FYN: variants seen among roughly 807,000 people sequenced by gnomAD.
The protein encoded by FYN is FYN proto-oncogene, Src family tyrosine kinase.
In FYN, 10 loss-of-function variants were observed where a neutral mutation model predicts 70.2. That is an observed-to-expected ratio of 0.14 (90% CI 0.09 to 0.24). FYN has a LOEUF of 0.24. Ranked by LOEUF, FYN falls within the 10% of genes least tolerant of loss-of-function variation. The pLI is 1.00. For missense variants in FYN, 319 were observed against 673.1 expected (o/e 0.47, Z 5.82); for synonymous variants, 236 against 248.6 (o/e 0.95, Z 0.48).
At chr6:111,751,512 TAAGAG>T (rs2128487305) in intron 3 of FYN, among the ~76,000 whole-genome samples, 1 of 152,328 alleles carries the variant, frequency 6.6e-6, no homozygotes, top group African/African-American at 2.4e-5. Context: ...ACTATTTTAT[TAAGAG>T]AATTCTGAGT....
chr6:111,740,849 G>T (rs1583391367), intron 3 of FYN: 1 of 152,182 alleles, frequency 6.6e-6, no homozygotes, highest in Non-Finnish European at 1.5e-5. Context: ...CCACCTCTCA[G>T]AAAGGTTTTT....
intron 2 of FYN, among the ~76,000 whole-genome samples, chr6:111,805,147 T>C (rs1378051216): frequency 1.3e-5 from 2 of 152,120 alleles, no homozygotes; most frequent in East Asian, 1.9e-4. Flanking sequence ...GCGTTTTACA[T>C]GTATGGCCAA....
intron 3 of FYN, chr6:111,759,110 T>C (rs1562508905): frequency 6.6e-6 from 1 of 152,368 alleles, no homozygotes; most frequent in African/African-American, 2.4e-5. Context: ...CTCCTTGGCT[T>C]ATACCCAACA....
At chr6:111,716,669 T>C (rs553976645) in intron 4 of FYN, among the ~76,000 whole-genome samples, 1 of 152,160 alleles carries the variant, frequency 6.6e-6, no homozygotes, top group South Asian at 2.1e-4. Flanking sequence ...AAAAAATTAG[T>C]TAAACATCAT....
chr6:111,836,506 T>C (rs934157238), intron 2 of FYN, among the ~76,000 whole-genome samples: 1 of 152,190 alleles, frequency 6.6e-6, no homozygotes, highest in Non-Finnish European at 1.5e-5. Flanking sequence ...GGTTCATGTC[T>C]GTAATCTCAG....
At chr6:111,775,586 C>T (rs1053291679) in intron 3 of FYN, among the ~76,000 whole-genome samples, 1 of 152,106 alleles carries the variant, frequency 6.6e-6, no homozygotes. Context: ...GTCTTAAAGG[C>T]GGGGCCAGAC....
At chr6:111,865,365 G>T (rs761539128) in intron 1 of FYN, among the ~76,000 whole-genome samples, 1 of 152,172 alleles carries the variant, frequency 6.6e-6, no homozygotes, top group African/African-American at 2.4e-5. Flanking sequence ...ATGGGAAAGC[G>T]CTCTCAACCA....
chr6:111,863,906 C>A (rs1388838599), intron 1 of FYN, among the ~76,000 whole-genome samples: 3 of 152,162 alleles, frequency 2.0e-5, no homozygotes, highest in Non-Finnish European at 4.4e-5. Flanking sequence ...CTAGTTGGGA[C>A]TCCCTATGTT....
intron 2 of FYN, among the ~76,000 whole-genome samples, chr6:111,793,212 T>G (rs1444200114): frequency 1.3e-5 from 2 of 152,222 alleles, no homozygotes; most frequent in Non-Finnish European, 2.9e-5. Flanking sequence ...TTAATTCACT[T>G]TAAGATGAAT....
intron 1 of FYN, among the ~76,000 whole-genome samples, chr6:111,860,012 T>G (rs554480969): frequency 5.9e-4 from 90 of 152,114 alleles, no homozygotes; most frequent in Non-Finnish European, 1.1e-3. Flanking sequence ...TGTAGTGACA[T>G]GCCTACAAAG....
At chr6:111,732,960 C>CT (rs573011201) in intron 3 of FYN, among the ~76,000 whole-genome samples, 56 of 152,218 alleles carry the variant, frequency 3.7e-4, no homozygotes, top group Middle Eastern at 3.4e-3. Context: ...TGGGCCACTG[C>CT]TTCTTTGGGA....
chr6:111,739,038 G>A lies in FYN; in HGVS notation c.-11-18976C>T, dbSNP rs143329010. 2.1e-3 allele frequency among the ~76,000 whole-genome samples: 324 copies of A among 152,254 alleles called. 1 individual carries two copies. The highest frequency in any genetic ancestry group is 3.9e-3 in the Non-Finnish European group (265 of 68,014). On this transcript the variant is annotated intron_variant, in intron 3 of 13. Coordinates refer to ENST00000354650, the MANE Select transcript of FYN (RefSeq NM_002037.5). The stretch of plus-strand genomic sequence containing the variant: ...ATGGCTTCTCTCCCCATCCCTACAT[G>A]AAGCCGAATGCCTAACTCTGTCCAT...
In FYN at chr6:111,720,073, C is replaced by T. The variant is rs755055733; in HGVS notation, c.-11-11G>A. 3 of 1,561,774 alleles carry T rather than the reference C, an allele frequency of 1.9e-6. No individual in the cohort carries two copies. The highest frequency in any genetic ancestry group is 2.3e-5 in the East Asian group (1 of 44,176). ...CCATTATCTAAATTCCTGCCAAAGA[C>T]AAAAAAGGGGGCACGTAAGCTGGGA... On this transcript the variant is annotated splice_polypyrimidine_tract_variant and intron_variant, in intron 3 of 13. Coordinates refer to ENST00000354650, the MANE Select transcript of FYN (RefSeq NM_002037.5).
chr6:111,860,094 G>C (rs1276175293), intron 1 of FYN, among the ~76,000 whole-genome samples: 1 of 152,046 alleles, frequency 6.6e-6, no homozygotes, highest in African/African-American at 2.4e-5. Context: ...GACTCCATAA[G>C]AAATAAACCC....
At chr6:111,763,062 C>T (rs73544120) in intron 3 of FYN, among the ~76,000 whole-genome samples, 5,702 of 152,280 alleles carry the variant, frequency 0.037, 350 homozygotes, top group African/African-American at 0.13. Flanking sequence ...TTCAACTCTT[C>T]AGGCAAAGCT....
At position 111,699,902 on chromosome 6, in the gene FYN, C is replaced by T. The variant is rs912138521; in HGVS notation, c.862+202G>A. 1.1e-4 allele frequency: 73 copies of T among 664,308 alleles called. No homozygotes were observed. In the African/African-American group the frequency reaches 1.3e-3, roughly 12 times the overall value. 41.2% of individuals were successfully genotyped at this position (664,308 alleles called of 1,614,324 possible). A position where few individuals can be genotyped will look rare whatever the true frequency, so the allele number is the denominator to read the frequency against. On this transcript the variant is annotated intron_variant, in intron 9 of 13. Transcript: ENST00000354650. The stretch of plus-strand genomic sequence containing the variant: ...AACTTGAGCCATTTGCCAATTTTGC[C>T]CACTTACTATCTTTTTTTTTTTTTT...
chr6:111,743,029 C>T (rs529098375), intron 3 of FYN, among the ~76,000 whole-genome samples: 18 of 151,022 alleles, frequency 1.2e-4, no homozygotes, highest in South Asian at 4.2e-4. Context: ...TGCAGTGGCA[C>T]GATCTCGGCT....
chr6:111,824,283 T>C (rs962075059), intron 2 of FYN, among the ~76,000 whole-genome samples: 4 of 152,218 alleles, frequency 2.6e-5, no homozygotes, highest in Non-Finnish European at 1.5e-5. Context: ...CTCTGGTCTC[T>C]TCATAGTCTA....
In FYN at chr6:111,806,680, A is replaced by G. The variant is rs145267679; in HGVS notation, c.-81-26045T>C. Reference sequence around the variant, plus strand: ...TTGAAGGTGAGGTAAATTATTACCAACTGGGGACCAAGAAATTCTGTCTTA... The same window carrying G: ...TTGAAGGTGAGGTAAATTATTACCAGCTGGGGACCAAGAAATTCTGTCTTA... On this transcript the variant is annotated intron_variant, in intron 2 of 13. Transcript: ENST00000354650. Among the ~76,000 whole-genome samples, 899 of 152,340 alleles carry G rather than the reference A, an allele frequency of 5.9e-3. 8 individuals are homozygous for G. The highest frequency in any genetic ancestry group is 0.021 in the African/African-American group (862 of 41,576).
Sources: gnomAD v4.1 joint callset for allele counts (sites outside exome capture counted in the v4.1 genomes callset) on GRCh38, gnomAD v4.1.1 for gene constraint, MANE v1.5 for transcripts, NCBI Gene and HGNC (gene_info 2026-07-23, HGNC 2026-07-21) for gene names.